CDC25B: variants seen among roughly 807,000 people sequenced by gnomAD.
CDC25B encodes the protein M-phase inducer phosphatase 2.
In CDC25B, 33 loss-of-function variants were observed where a neutral mutation model predicts 69.8. The ratio of observed to expected loss-of-function variants is 0.47; its 90% CI spans 0.36 to 0.63. The LOEUF is 0.63. CDC25B is among the 30% of genes least tolerant of loss of function. The pLI is 0.00. For missense variants in CDC25B, 727 were observed against 809.1 expected, an observed-to-expected ratio of 0.90 and a Z score of 1.23; for synonymous variants, 341 against 314.6, an observed-to-expected ratio of 1.08 and a Z score of -0.89.
At chr20:3,798,948 T>C (rs1023954965) in intron 3 of CDC25B, among the ~76,000 whole-genome samples, 3 of 152,210 alleles carry the variant, frequency 2.0e-5, no homozygotes, top group African/African-American at 7.2e-5. Flanking sequence ...GATGACACTT[T>C]ACCCTCTGGC....
At chr20:3,795,344 G>A (rs2088999060), upstream of CDC25B, among the ~76,000 whole-genome samples, 1 of 145,644 alleles carries the variant, frequency 6.9e-6, no homozygotes, top group African/African-American at 2.6e-5. Context: ...GGTTGACAGA[G>A]GGAGACTCCA....
rs949484891 is a variant in CDC25B, at chr20:3,798,323, T to G, written c.329-89T>G. ...AGTCCAAACTAGAAACTGTTTTTTT[T>G]TTTTTTTTTTTTTTCATATTGGGAC... On this transcript the variant is annotated intron_variant, in intron 2 of 15. Coordinates refer to ENST00000245960, the MANE Select transcript of CDC25B (RefSeq NM_021873.4). The G allele has an allele frequency of 2.0e-3, 1,310 of 656,210 alleles. 20 individuals are homozygous for G. The African/African-American group carries it at 0.022, about 11-fold the overall frequency. The allele number at this position is 656,210 out of a possible 1,614,324, so 40.6% of individuals were successfully genotyped here.
chr20:3,804,102 C>T (rs1174185604), intron 14 of CDC25B, among the ~76,000 whole-genome samples: 1 of 152,180 alleles, frequency 6.6e-6, no homozygotes. Flanking sequence ...TCCCTGCGGC[C>T]CTCCCAACTT....
chr20:3,803,463 C>G lies in CDC25B; in HGVS notation c.1416C>G (p.Ile472Met). ...AGAGCTTCCTACTGAAGAGCCCCAT[C>G]GCGCCCTGTAGCCTGGACAAGAGAG... ...DAESFLLKSP[I>M]APCSLDKRVI... Residue 472 changes from isoleucine (I) to methionine (M), a missense_variant, in exon 14 of 16, where the codon ATC (isoleucine) becomes ATG (methionine). Physicochemically the swap from Ile to Met is conservative, Grantham distance 10. This residue lies in a region of CDC25B where 359 missense variants were observed against 463.4 expected (regional missense o/e 0.77). Coordinates refer to ENST00000245960, the MANE Select transcript of CDC25B (RefSeq NM_021873.4). The surrounding 1 kb of genome is among the most constrained non-coding windows in gnomAD (Gnocchi z 4.9). The G allele has an allele frequency of 6.2e-7, 1 of 1,613,822 alleles. No individual in the cohort carries two copies. Among genetic ancestry groups the G allele is most frequent in the Non-Finnish European group, 8.5e-7 (1 of 1,179,922 alleles).
chr20:3,798,009 G>A (rs1379671221), intron 2 of CDC25B, among the ~76,000 whole-genome samples: 2 of 152,316 alleles, frequency 1.3e-5, no homozygotes, highest in Non-Finnish European at 2.9e-5. Context: ...GTAAAACCAC[G>A]CTCCAGAGTT....
chr20:3,800,806 C>T lies in CDC25B; in HGVS notation c.523C>T (p.Arg175Trp), dbSNP rs779300536. ...CACCAACTCCCAGGCGCCCGACGGC[C>T]GGAGGAAGAGCGAGGCGGGCAGTGG... Reference protein sequence around the residue: ...NITNSQAPDGRRKSEAGSGAA... With the variant: ...NITNSQAPDGWRKSEAGSGAA... Residue 175 changes from arginine (R) to tryptophan (W), a missense_variant, in exon 6 of 16, where the codon CGG becomes TGG. Arg to Trp is a moderately radical substitution (Grantham distance 101). Coordinates refer to ENST00000245960, the MANE Select transcript of CDC25B (RefSeq NM_021873.4). The T allele has an allele frequency of 1.2e-5, 19 of 1,612,932 alleles. No homozygotes were observed. Among genetic ancestry groups the T allele is most frequent in the Admixed American group, 3.3e-5 (2 of 59,996 alleles).
upstream of CDC25B, among the ~76,000 whole-genome samples, chr20:3,795,209 A>C (rs1462273830): frequency 6.6e-6 from 1 of 151,984 alleles, no homozygotes; most frequent in Non-Finnish European, 1.5e-5. Context: ...AAAAATACAA[A>C]CATTAGCTGG....
chr20:3,797,300 G>T (rs932417987), intron 1 of CDC25B, among the ~76,000 whole-genome samples: 1 of 152,212 alleles, frequency 6.6e-6, no homozygotes, highest in Non-Finnish European at 1.5e-5. Flanking sequence ...CAGTTTAGGG[G>T]AAGGCTCTCT....
chr20:3,803,306 A>G lies in CDC25B; in HGVS notation c.1357-98A>G, dbSNP rs1378101453. ...GGGTGGAGGACGGGTGCCCCCTCTC[A>G]TGGGGAGGGTTCCTACTAAGAGAAG... On this transcript the variant is annotated intron_variant, in intron 13 of 15. Coordinates refer to ENST00000245960, the MANE Select transcript of CDC25B (RefSeq NM_021873.4). The surrounding 1 kb of genome is among the most constrained non-coding windows in gnomAD (Gnocchi z 4.9). 1.3e-6 allele frequency: 2 copies of G among 1,583,192 alleles called. No homozygotes were observed. The highest frequency in any genetic ancestry group is 2.2e-5 in the East Asian group (1 of 44,616).
In CDC25B at chr20:3,802,284, G is replaced by A. The variant is rs1332045888; in HGVS notation, c.1102G>A (p.Ala368Thr). ...CTCCATCTGACTCACTTTCCAGAAA[G>A]CCCGCGTCCTCCGCTCAAAATCACT... ...EEQQEAEEPK[A>T]RVLRSKSLCH... Residue 368 changes from alanine (A) to threonine (T), a missense_variant, in exon 11 of 16, where the codon GCC (alanine) becomes ACC (threonine). By Grantham distance (58) the Ala-to-Thr change is moderately conservative. Coordinates refer to ENST00000245960, the MANE Select transcript of CDC25B (RefSeq NM_021873.4). 6.2e-7 allele frequency: 1 copy of A among 1,610,878 alleles called. No homozygotes were observed. The highest frequency in any genetic ancestry group is 2.2e-5 in the East Asian group (1 of 44,854).
upstream of CDC25B, among the ~76,000 whole-genome samples, chr20:3,793,561 TG>T (rs201219797): frequency 0.027 from 3,876 of 142,602 alleles, 171 homozygotes; most frequent in African/African-American, 0.096. Flanking sequence ...TTTTTTTTTT[TG>T]GTTTTAGAGA....
intron 3 of CDC25B, among the ~76,000 whole-genome samples, 160 bp downstream of exon 3, chr20:3,798,623 T>G (rs2089153569): frequency 6.6e-6 from 1 of 152,142 alleles, no homozygotes; most frequent in South Asian, 2.1e-4. Context: ...TTCTCAGGCC[T>G]TGGCATTCTG....
chr20:3,796,264 T>A (rs1168133827), upstream of CDC25B: 3 of 1,260,232 alleles, frequency 2.4e-6, no homozygotes, highest in Non-Finnish European at 3.0e-6. Context: ...GCGCGGCTGC[T>A]GTTATTTTTC....
At chr20:3,797,577 C>A in intron 1 of CDC25B, 45 bp from the exon 2 acceptor site, 1 of 1,609,570 alleles carries the variant, frequency 6.2e-7, no homozygotes, top group Non-Finnish European at 8.5e-7. Flanking sequence ...GCCTTGAGCC[C>A]CACGTTTACC....
Position 3,803,643 on chromosome 20 carries a change from C to A in CDC25B, c.1490+106C>A. On this transcript the variant is annotated intron_variant, in intron 14 of 15. Transcript: ENST00000245960. The surrounding 1 kb of genome is among the most constrained non-coding windows in gnomAD (Gnocchi z 4.9). ...ATGGCCAGGGGTGCAAGTCCAGGTC[C>A]TCCTCTGTCCCATCTGATGGCCTAG... The A allele has an allele frequency of 7.1e-7, 1 of 1,416,756 alleles. No homozygotes were observed. The highest frequency in any genetic ancestry group is 9.7e-7 in the Non-Finnish European group (1 of 1,026,106). The allele number at this position is 1,416,756 out of a possible 1,614,324, so 87.8% of individuals were successfully genotyped here. A position where few individuals can be genotyped will look rare whatever the true frequency, so the allele number is the denominator to read the frequency against.
In CDC25B at chr20:3,802,300, C is replaced by T; in HGVS notation, c.1118C>T (p.Ser373Leu). Residue 373 changes from serine to leucine, a missense_variant, in exon 11 of 16, where the codon TCA becomes TTA. Ser to Leu is a moderately radical substitution (Grantham distance 145, BLOSUM62 -2). Around this residue, in one of 2 missense-constraint regions of CDC25B, gnomAD observed 359 missense variants for 463.4 expected, o/e 0.77. Transcript: ENST00000245960. ...TTCCAGAAAGCCCGCGTCCTCCGCT[C>T]AAAATCACTGTGTCACGATGAGATC... ...AEEPKARVLRSKSLCHDEIEN... is the reference protein window; with the variant it reads ...AEEPKARVLRLKSLCHDEIEN... 6.2e-7 allele frequency: 1 copy of T among 1,610,998 alleles called. No homozygotes were observed. The highest frequency in any genetic ancestry group is 8.5e-7 in the Non-Finnish European group (1 of 1,179,898).
rs372029025 is a variant in CDC25B, at chr20:3,796,528, C to T, written c.-4C>T. 1 of 1,489,382 alleles carries T rather than the reference C, an allele frequency of 6.7e-7. No individual in the cohort carries two copies. 92.3% of individuals were successfully genotyped at this position (1,489,382 alleles called of 1,614,324 possible). ...CCAGCCAGCCTTCTGCCGGCCCCGC[C>T]GCGATGGAGGTGCCCCAGCCGGAGC... On this transcript the variant is annotated 5_prime_UTR_variant, in exon 1 of 16. Coordinates refer to ENST00000245960, the MANE Select transcript of CDC25B (RefSeq NM_021873.4).
Position 3,801,960 on chromosome 20 carries a change from C to T in CDC25B, c.958C>T (p.Arg320Cys), listed in dbSNP as rs141314132. Residue 320 changes from arginine to cysteine, a missense_variant, in exon 10 of 16, where the codon CGC (arginine) becomes TGC (cysteine). Physicochemically the swap from Arg to Cys is radical, Grantham distance 180. Around this residue, in one of 2 missense-constraint regions of CDC25B, gnomAD observed 359 missense variants for 463.4 expected, o/e 0.77. Transcript: ENST00000245960. ...GTACAGCAAGTGCCAGCGGCTCTTC[C>T]GCTCTCCGTCCATGCCCTGCAGCGT... ...VMYSKCQRLF[R>C]SPSMPCSVIR... The T allele has an allele frequency of 6.8e-6, 11 of 1,611,872 alleles. No individual in the cohort carries two copies. The highest frequency in any genetic ancestry group is 2.2e-5 in the East Asian group (1 of 44,782).
chr20:3,805,146 C>A lies in CDC25B; in HGVS notation c.*185C>A. ...GTGTCATCCCATCATTTTCCATATC[C>A]TGGTGCCCCCCACCCCTGGAAGAGC... On this transcript the variant is annotated 3_prime_UTR_variant, in exon 16 of 16. Coordinates refer to ENST00000245960, the MANE Select transcript of CDC25B (RefSeq NM_021873.4). 1.6e-6 allele frequency: 1 copy of A among 632,426 alleles called. No individual in the cohort carries two copies. The highest frequency in any genetic ancestry group is 2.0e-5 in the South Asian group (1 of 49,252). 39.2% of individuals were successfully genotyped at this position (632,426 alleles called of 1,614,324 possible).
Sources: allele counts gnomAD v4.1 joint callset (sites outside exome capture counted in the v4.1 genomes callset), GRCh38; gene constraint gnomAD v4.1.1; regional missense constraint gnomAD v4.1.1; non-coding constraint Gnocchi (gnomAD v3.1); transcripts MANE v1.5; gene names NCBI Gene and HGNC (gene_info 2026-07-23, HGNC 2026-07-21).